The following DIPK1A variants were observed in gnomAD, a reference collection of about 807,000 sequenced individuals.
DIPK1A encodes divergent protein kinase domain 1A.
Under a neutral mutation model 40.8 loss-of-function variants are expected in DIPK1A, and 27 were observed. The observed-to-expected ratio is 0.66, with a 90% confidence interval of 0.49 to 0.91. The LOEUF is 0.91. Among genes scored for constraint, DIPK1A ranks in the 40% least tolerant of loss-of-function variants. The pLI is 0.00. For synonymous variants in DIPK1A, 166 were observed against 171.3 expected, an observed-to-expected ratio of 0.97 and a Z score of 0.24; for missense variants, 412 against 505.7, an observed-to-expected ratio of 0.81 and a Z score of 1.78.
chr1:92,955,439 C>T (rs1402553523), intron 1 of DIPK1A, among the ~76,000 whole-genome samples: 3 of 151,998 alleles, frequency 2.0e-5, no homozygotes, highest in Non-Finnish European at 2.9e-5. Context: ...TGGCTCACGC[C>T]TGTAATCCCA....
At chr1:92,937,686 A>G (rs545745775) in intron 1 of DIPK1A, among the ~76,000 whole-genome samples, 1 of 152,176 alleles carries the variant, frequency 6.6e-6, no homozygotes, top group South Asian at 2.1e-4. Flanking sequence ...TGTATCTTTA[A>G]CTGTAATTAT....
downstream of DIPK1A, among the ~76,000 whole-genome samples, chr1:92,841,374 T>C (rs1687356943): frequency 6.6e-6 from 1 of 152,250 alleles, no homozygotes; most frequent in African/African-American, 2.4e-5. Flanking sequence ...GACTGGGTAA[T>C]AATCCATTAT....
intron 4 of DIPK1A, chr1:92,833,651 C>T: frequency 6.2e-7 from 1 of 1,610,010 alleles, no homozygotes; most frequent in Middle Eastern, 2.2e-4. Context: ...ACAGAGATAT[C>T]ATTTGTCAGG....
intron 2 of DIPK1A, among the ~76,000 whole-genome samples, chr1:92,871,175 T>C (rs1647829925): frequency 6.6e-6 from 1 of 152,190 alleles, no homozygotes. Flanking sequence ...ATTTATTTAT[T>C]TTTTTCTGAG....
intron 1 of DIPK1A, among the ~76,000 whole-genome samples, chr1:92,958,962 AATG>A (rs1333335096): frequency 6.6e-6 from 1 of 152,198 alleles, no homozygotes; most frequent in Non-Finnish European, 1.5e-5. Context: ...ACTGAGATGA[AATG>A]ATGTGATGCC....
At chr1:92,938,490 G>T (rs1480050266) in intron 1 of DIPK1A, among the ~76,000 whole-genome samples, 6 of 122,252 alleles carry the variant, frequency 4.9e-5, no homozygotes, top group South Asian at 2.4e-4. Flanking sequence ...AAAAAAAAAA[G>T]TTGATTCCTC....
At chr1:92,926,575 C>G (rs1268925269) in intron 1 of DIPK1A, among the ~76,000 whole-genome samples, 1 of 152,130 alleles carries the variant, frequency 6.6e-6, no homozygotes, top group African/African-American at 2.4e-5. Flanking sequence ...AGACTTTTGG[C>G]TTAGTTGTTC....
chr1:92,892,282 G>A (rs144232887), intron 1 of DIPK1A, among the ~76,000 whole-genome samples: 7 of 152,108 alleles, frequency 4.6e-5, no homozygotes, highest in Non-Finnish European at 8.8e-5. Context: ...CTGACACCTC[G>A]CACAGCTGGG....
chr1:92,895,754 C>T (rs988890018), intron 1 of DIPK1A, among the ~76,000 whole-genome samples: 28 of 151,936 alleles, frequency 1.8e-4, no homozygotes, highest in African/African-American at 6.5e-4. Context: ...TCTAGAAAAC[C>T]CCATCGTCTC....
At chr1:92,927,670 A>G (rs956062289) in intron 1 of DIPK1A, among the ~76,000 whole-genome samples, 1 of 152,116 alleles carries the variant, frequency 6.6e-6, no homozygotes, top group Non-Finnish European at 1.5e-5. Context: ...CTTTCTCTAT[A>G]GATCTGCTTA....
At chr1:92,879,728 T>G (rs1648287726) in intron 1 of DIPK1A, among the ~76,000 whole-genome samples, 1 of 152,342 alleles carries the variant, frequency 6.6e-6, no homozygotes, top group African/African-American at 2.4e-5. Context: ...GAGCCATAAA[T>G]TACATCTGTA....
chr1:92,875,545 C>T (rs1290605486), intron 2 of DIPK1A, among the ~76,000 whole-genome samples: 1 of 151,848 alleles, frequency 6.6e-6, no homozygotes, highest in Non-Finnish European at 1.5e-5. Flanking sequence ...GGTGAAACCC[C>T]GTCTTTACTG....
intron 2 of DIPK1A, among the ~76,000 whole-genome samples, chr1:92,869,014 C>A (rs1647702518): frequency 6.7e-6 from 1 of 149,450 alleles, no homozygotes; most frequent in Non-Finnish European, 1.5e-5. Flanking sequence ...ACCACAATAT[C>A]CCTAGCACCT....
downstream of DIPK1A, chr1:92,840,431 T>C: frequency 1.3e-6 from 1 of 763,698 alleles, no homozygotes; most frequent in Non-Finnish European, 2.3e-6. Flanking sequence ...TTTACCAACA[T>C]TGATTTAGTT....
chr1:92,942,706 C>A (rs1282691517), intron 1 of DIPK1A, among the ~76,000 whole-genome samples: 5 of 152,192 alleles, frequency 3.3e-5, no homozygotes, highest in African/African-American at 1.2e-4. Flanking sequence ...GTCACCCAGG[C>A]TGGAGTGCAG....
intron 1 of DIPK1A, among the ~76,000 whole-genome samples, chr1:92,915,121 A>C (rs1157021223): frequency 1.4e-5 from 2 of 146,120 alleles, no homozygotes; most frequent in African/African-American, 2.5e-5. Context: ...ACACACACAC[A>C]CCCTCCTGTA....
chr1:92,923,872 G>T (rs1650371314), intron 1 of DIPK1A, among the ~76,000 whole-genome samples: 1 of 150,892 alleles, frequency 6.6e-6, no homozygotes, highest in Admixed American at 6.6e-5. Context: ...AGAAATGATG[G>T]AATATTTCGA....
chr1:92,931,619 C>A, intron 1 of DIPK1A: 1 of 156,916 alleles, frequency 6.4e-6, no homozygotes, highest in Non-Finnish European at 1.4e-5. Context: ...AAAGGCATTA[C>A]TGCTGTGTTA....
chr1:92,843,431 G>T lies in DIPK1A; in HGVS notation c.1239C>A (p.Asn413Lys), dbSNP rs1403734683. ...MEMEHSLILN[N>K]LKTLLWKKIS... is the part of the protein sequence containing the mutation. ...TTTTCTTCCACAATAATGTTTTTAG[G>T]TTATTTAGTATCAAAGAATGTTCCA... The change falls in exon 5 of 5, where the codon AAC becomes AAA. Residue 413 changes from asparagine (N) to lysine (K), a missense_variant. By Grantham distance (94) the Asn-to-Lys change is moderately conservative. Coordinates refer to ENST00000370310, the MANE Select transcript of DIPK1A (RefSeq NM_001006605.5). 1 of 1,550,108 alleles carries T rather than the reference G, an allele frequency of 6.5e-7. No individual in the cohort carries two copies.
Sources: gnomAD v4.1 joint callset for allele counts (sites outside exome capture counted in the v4.1 genomes callset) on GRCh38, gnomAD v4.1.1 for gene constraint, MANE v1.5 for transcripts, NCBI Gene and HGNC (gene_info 2026-07-23, HGNC 2026-07-21) for gene names.